The following DUSP16 variants were observed in gnomAD, a reference collection of about 807,000 sequenced individuals.
DUSP16 encodes dual specificity protein phosphatase 16.
In DUSP16, 21 loss-of-function variants were observed where a neutral mutation model predicts 58.3. The observed-to-expected ratio is 0.36, with a 90% CI of 0.26 to 0.52. The LOEUF (loss-of-function observed/expected upper bound fraction) is 0.52, where lower values mean the gene tolerates loss of function less well. Among genes scored for constraint, DUSP16 ranks in the 20% least tolerant of loss-of-function variants. The pLI is 0.94. For missense variants in DUSP16, 726 were observed against 819.0 expected (o/e 0.89, Z 1.39); for synonymous variants, 320 against 323.8 (o/e 0.99, Z 0.12).
At chr12:12,545,728 A>G (rs1257799822) in intron 1 of DUSP16, among the ~76,000 whole-genome samples, 1 of 152,198 alleles carries the variant, frequency 6.6e-6, no homozygotes, top group African/African-American at 2.4e-5. Context: ...CCATCGCTCC[A>G]AAAAATTCAA....
In DUSP16 at chr12:12,477,478, T is replaced by C; in HGVS notation, c.1353A>G (p.Leu451=). 2 of 1,597,852 alleles carry C rather than the reference T, an allele frequency of 1.3e-6. No homozygotes were observed. Among genetic ancestry groups the C allele is most frequent in the South Asian group, 1.1e-5 (1 of 88,192 alleles). The change falls in exon 7 of 7, where the codon CTA becomes CTG. Residue 451 remains leucine (L), a synonymous_variant. Transcript: ENST00000298573. This position sits in a 1 kb window ranked among gnomAD's most constrained non-coding sequence, Gnocchi z 4.1. The part of the protein sequence containing the change: ...KLCQFSPVQE[L]SEQTPETSPD... ...GACTGGTTTCGGGAGTCTGCTCCGA[T>C]AGTTCCTGAACAGGGGAGAACTGGC...
intron 1 of DUSP16, among the ~76,000 whole-genome samples, chr12:12,547,778 C>T (rs1944668489): frequency 6.6e-6 from 1 of 152,136 alleles, no homozygotes. Flanking sequence ...TAGCTATTGG[C>T]TGGCAACAAA....
chr12:12,537,003 C>A (rs1944475375), intron 1 of DUSP16, among the ~76,000 whole-genome samples: 1 of 151,514 alleles, frequency 6.6e-6, no homozygotes, highest in African/African-American at 2.4e-5. Context: ...CACGCCACTG[C>A]ACTCTATCTA....
At chr12:12,518,408 G>T (rs1027437441) in intron 3 of DUSP16, among the ~76,000 whole-genome samples, 4 of 152,002 alleles carry the variant, frequency 2.6e-5, no homozygotes, top group Admixed American at 6.6e-5. Context: ...AGCTACTTGG[G>T]AGGCTGAGGC....
rs1039915259 is a variant in DUSP16, at chr12:12,476,756, A to G, written c.*77T>C. The G allele has an allele frequency of 8.2e-6, 11 of 1,345,040 alleles. No individual in the cohort carries two copies. In the African/African-American group the frequency reaches 8.8e-5, roughly 11 times the overall value. The allele number at this position is 1,345,040 out of a possible 1,614,324, so 83.3% of individuals were successfully genotyped here. ...AAAATATATATGTATGTACATATAT[A>G]TATTTCAGATTTACAGGGAATTTTT... On this transcript the variant is annotated 3_prime_UTR_variant, in exon 7 of 7. Coordinates refer to ENST00000298573, the MANE Select transcript of DUSP16 (RefSeq NM_030640.3).
In DUSP16 at chr12:12,534,463, G is replaced by C. The variant is rs116833005; in HGVS notation, c.-365-13000C>G. 1.1e-3 allele frequency among the ~76,000 whole-genome samples: 164 copies of C among 152,234 alleles called. 2 individuals carry two copies. Among genetic ancestry groups the C allele is most frequent in the African/African-American group, 3.9e-3 (163 of 41,536 alleles). On this transcript the variant is annotated intron_variant, in intron 1 of 6. Coordinates refer to ENST00000298573, the MANE Select transcript of DUSP16 (RefSeq NM_030640.3). ...GGAACATTCTCTGTCCTCATCCCTT[G>C]GTTATTTTTTCCACTTTGTCCTTTC...
chr12:12,533,133 A>G (rs1349059417), intron 1 of DUSP16, among the ~76,000 whole-genome samples: 1 of 152,172 alleles, frequency 6.6e-6, no homozygotes, highest in Non-Finnish European at 1.5e-5. Context: ...GCTAGACTTT[A>G]AAAATAGGTC....
At chr12:12,529,635 C>T (rs961625711) in intron 1 of DUSP16, among the ~76,000 whole-genome samples, 6 of 152,154 alleles carry the variant, frequency 3.9e-5, no homozygotes, top group Non-Finnish European at 5.9e-5. Flanking sequence ...GATCCTTGAA[C>T]GTATTTCTCC....
At chr12:12,557,903 CCGCCTTT>C (rs983207560) in intron 1 of DUSP16, among the ~76,000 whole-genome samples, 4 of 152,188 alleles carry the variant, frequency 2.6e-5, no homozygotes, top group African/African-American at 4.8e-5. Context: ...TGAATACCTT[CCGCCTTT>C]CGCCTCCCCC....
intron 5 of DUSP16, among the ~76,000 whole-genome samples, chr12:12,482,173 T>C (rs950762476): frequency 1.3e-5 from 2 of 152,200 alleles, no homozygotes; most frequent in African/African-American, 4.8e-5. Flanking sequence ...TATAAGGACC[T>C]AGAAGGATCT....
intron 1 of DUSP16, among the ~76,000 whole-genome samples, chr12:12,557,278 A>AC (rs1327573422): frequency 1.3e-5 from 2 of 151,402 alleles, no homozygotes; most frequent in Non-Finnish European, 2.9e-5. Flanking sequence ...ACGTGGTGAA[A>AC]CCCCGTCTCT....
chr12:12,485,325 T>C (rs186221213), intron 5 of DUSP16: 4 of 152,280 alleles, frequency 2.6e-5, no homozygotes, highest in Non-Finnish European at 5.9e-5. Context: ...GTGATTACTT[T>C]AATATGAACT....
intron 5 of DUSP16, among the ~76,000 whole-genome samples, chr12:12,485,953 C>A (rs1052582941): frequency 6.6e-6 from 1 of 151,796 alleles, no homozygotes; most frequent in African/African-American, 2.4e-5. Flanking sequence ...GTCACCTCGC[C>A]CAGCTAATTT....
chr12:12,524,740 AT>A (rs920455912), intron 1 of DUSP16, among the ~76,000 whole-genome samples: 60 of 152,208 alleles, frequency 3.9e-4, no homozygotes, highest in African/African-American at 1.4e-3. Flanking sequence ...TTATCTATTT[AT>A]TTAGCCAGCT....
intron 3 of DUSP16, among the ~76,000 whole-genome samples, chr12:12,502,980 A>G (rs1213646599): frequency 6.6e-6 from 1 of 152,156 alleles, no homozygotes; most frequent in African/African-American, 2.4e-5. Context: ...AAGCCCCATG[A>G]TCATACAGCA....
chr12:12,487,459 A>T (rs1455072345), intron 4 of DUSP16, among the ~76,000 whole-genome samples: 1 of 152,334 alleles, frequency 6.6e-6, no homozygotes, highest in East Asian at 1.9e-4. Context: ...CTTCATTACT[A>T]GAGAGAGAAG....
chr12:12,528,519 G>T (rs1204387852), intron 1 of DUSP16, among the ~76,000 whole-genome samples: 1 of 152,112 alleles, frequency 6.6e-6, no homozygotes, highest in African/African-American at 2.4e-5. Context: ...GGTCAGATGG[G>T]GATTAATTCG....
chr12:12,497,798 C>T (rs190681185), intron 4 of DUSP16, among the ~76,000 whole-genome samples: 282 of 152,056 alleles, frequency 1.9e-3, no homozygotes, highest in Middle Eastern at 3.4e-3. Flanking sequence ...GGTGAAACCC[C>T]GTCTATATTA....
intron 3 of DUSP16, among the ~76,000 whole-genome samples, chr12:12,511,839 G>A (rs998770136): frequency 6.6e-6 from 1 of 151,720 alleles, no homozygotes; most frequent in Admixed American, 6.6e-5. Flanking sequence ...GTGAGTGAAA[G>A]GGCTGAAGAA....
Sources: gnomAD v4.1 joint callset for allele counts (sites outside exome capture counted in the v4.1 genomes callset) on GRCh38, gnomAD v4.1.1 for gene constraint, Gnocchi (gnomAD v3.1) non-coding constraint, MANE v1.5 for transcripts, NCBI Gene and HGNC (gene_info 2026-07-23, HGNC 2026-07-21) for gene names.